ITGA11: variants seen among roughly 807,000 people sequenced by gnomAD.
ITGA11 encodes the protein integrin alpha-11.
Under a neutral mutation model 141.9 loss-of-function variants are expected in ITGA11, and 97 were observed. The observed-to-expected ratio is 0.68, with a 90% CI of 0.58 to 0.81. ITGA11 has a LOEUF of 0.81. ITGA11 is among the 30% of genes least tolerant of loss of function. The pLI is 0.00. For missense variants in ITGA11, 1,387 were observed against 1,559.2 expected (o/e 0.89, Z 1.86); for synonymous variants, 658 against 624.6 (o/e 1.05, Z -0.80).
chr15:68,380,703 G>A (rs989934663), intron 2 of ITGA11, among the ~76,000 whole-genome samples: 2 of 152,154 alleles, frequency 1.3e-5, no homozygotes, highest in African/African-American at 4.8e-5. Context: ...TGGTGCCGGC[G>A]CTCATGTGCA....
intron 1 of ITGA11, among the ~76,000 whole-genome samples, chr15:68,427,353 T>C (rs183522684): frequency 2.1e-4 from 32 of 152,342 alleles, no homozygotes; most frequent in Admixed American, 1.9e-3. Flanking sequence ...ATTGTTGTCC[T>C]ATGAAGTTGT....
At position 68,351,326 on chromosome 15, in the gene ITGA11, C is replaced by A; in HGVS notation, c.826G>T (p.Asp276Tyr). Reference protein sequence around the residue: ...MIVITDGESHDSPDLEKVIQQ... With the variant: ...MIVITDGESHYSPDLEKVIQQ... ...ATCACCTTCTCCAGGTCTGGGCTGT[C>A]GTGGGACTCCCCATCTGTGATGACA... Residue 276 changes from aspartate to tyrosine, a missense_variant, in exon 8 of 30, where the codon GAC (aspartate) becomes TAC (tyrosine). Coordinates refer to ENST00000315757, the MANE Select transcript of ITGA11 (RefSeq NM_001004439.2). 1.2e-6 allele frequency: 2 copies of A among 1,614,026 alleles called. No individual in the cohort carries two copies. The highest frequency in any genetic ancestry group is 1.7e-6 in the Non-Finnish European group (2 of 1,179,892).
At chr15:68,378,167 C>T (rs1215884944) in intron 2 of ITGA11, among the ~76,000 whole-genome samples, 1 of 152,226 alleles carries the variant, frequency 6.6e-6, no homozygotes, top group Non-Finnish European at 1.5e-5. Flanking sequence ...GGGCCAGAGC[C>T]TCTGTTTACT....
At position 68,320,407 on chromosome 15, in the gene ITGA11, C is replaced by A. The variant is rs1389955517; in HGVS notation, c.2409-15G>T. ...GGCAGTACTCCCTGAGAACAAGAGA[C>A]CACCAGAGACTGGGCAGATGGAATG... On this transcript the variant is annotated splice_polypyrimidine_tract_variant and intron_variant, in intron 19 of 29. Coordinates refer to ENST00000315757, the MANE Select transcript of ITGA11 (RefSeq NM_001004439.2). 1 of 1,564,228 alleles carries A rather than the reference C, an allele frequency of 6.4e-7. No homozygotes were observed. The highest frequency in any genetic ancestry group is 2.4e-5 in the East Asian group (1 of 42,114).
chr15:68,303,838 C>A lies in ITGA11; in HGVS notation c.3429G>T (p.Trp1143Cys), dbSNP rs773744403. 13 of 1,613,116 alleles carry A rather than the reference C, an allele frequency of 8.1e-6. No homozygotes were observed. Among genetic ancestry groups the A allele is most frequent in the Non-Finnish European group, 8.5e-7 (1 of 1,179,468 alleles). Residue 1143 changes from tryptophan to cysteine, a missense_variant, in exon 29 of 30, where the codon TGG becomes TGT. Transcript: ENST00000315757. The surrounding 1 kb of genome is among the most constrained non-coding windows in gnomAD (Gnocchi z 5.3). ...CCCCCAGGGTGCTGCCTACAATGAT[C>A]CAGATGGGGACCTGCCAGTCCTCTT... ...SKQEDWQVPIWIIVGSTLGGL... is the reference protein window; with the variant it reads ...SKQEDWQVPICIIVGSTLGGL...
At chr15:68,395,454 C>G (rs1196361985) in intron 2 of ITGA11, among the ~76,000 whole-genome samples, 3 of 151,304 alleles carry the variant, frequency 2.0e-5, no homozygotes, top group Non-Finnish European at 4.4e-5. Flanking sequence ...GAGAGGCTAA[C>G]TAGAATAAAC....
At chr15:68,343,943 G>A (rs1054007461) in intron 10 of ITGA11, among the ~76,000 whole-genome samples, 1 of 152,180 alleles carries the variant, frequency 6.6e-6, no homozygotes, top group Admixed American at 6.5e-5. Context: ...CATGTGCGGT[G>A]CTGGAATCCG....
intron 1 of ITGA11, among the ~76,000 whole-genome samples, chr15:68,406,723 G>A (rs976832863): frequency 7.9e-5 from 12 of 152,178 alleles, no homozygotes; most frequent in South Asian, 2.1e-4. Flanking sequence ...GGTCCAGCTC[G>A]TAGATACTGG....
chr15:68,357,238 G>A lies in ITGA11; in HGVS notation c.662C>T (p.Ser221Phe), dbSNP rs1364387732. The change falls in exon 7 of 30, where the codon TCT (serine) becomes TTT (phenylalanine). Residue 221 changes from serine (S) to phenylalanine (F), a missense_variant. By Grantham distance (155) the Ser-to-Phe change is radical (BLOSUM62 -2). Transcript: ENST00000315757. Reference protein sequence around the residue: ...VHEFHLNDYRSVKDVVEAASH... With the variant: ...VHEFHLNDYRFVKDVVEAASH... ...GGCAGCTTCCACCACATCTTTTACA[G>A]ACCTGTAGTCGTTGAGGTGAAACTC... The A allele has an allele frequency of 6.2e-7, 1 of 1,613,796 alleles. No individual in the cohort carries two copies. The highest frequency in any genetic ancestry group is 2.2e-5 in the East Asian group (1 of 44,880).
intron 1 of ITGA11, among the ~76,000 whole-genome samples, chr15:68,429,835 A>G (rs1401775611): frequency 6.6e-6 from 1 of 152,186 alleles, no homozygotes; most frequent in African/African-American, 2.4e-5. Context: ...TTTCAGGCCC[A>G]TGCACACTCT....
At chr15:68,389,227 A>G (rs1267490764) in intron 2 of ITGA11, among the ~76,000 whole-genome samples, 1 of 152,078 alleles carries the variant, frequency 6.6e-6, no homozygotes, top group Non-Finnish European at 1.5e-5. Flanking sequence ...TCCCATGAAC[A>G]CCTGAGATCC....
chr15:68,425,223 A>G (rs1310599892), intron 1 of ITGA11, among the ~76,000 whole-genome samples: 1 of 152,218 alleles, frequency 6.6e-6, no homozygotes, highest in Non-Finnish European at 1.5e-5. Flanking sequence ...GGCCGGTTTG[A>G]TGAGCGCTTG....
intron 2 of ITGA11, among the ~76,000 whole-genome samples, chr15:68,393,128 A>G (rs72745263): frequency 0.024 from 3,730 of 152,326 alleles, 64 homozygotes; most frequent in South Asian, 0.033. Flanking sequence ...CACAATGGAT[A>G]CAGCAGAAAG....
At position 68,322,748 on chromosome 15, in the gene ITGA11, C is replaced by A. The variant is rs1893851368; in HGVS notation, c.2323-1245G>T. On this transcript the variant is annotated intron_variant, in intron 18 of 29. Coordinates refer to ENST00000315757, the MANE Select transcript of ITGA11 (RefSeq NM_001004439.2). This position sits in a 1 kb window ranked among gnomAD's most constrained non-coding sequence, Gnocchi z 5.6. The stretch of plus-strand genomic sequence containing the variant: ...CTGGGCGCAGTGGCTGCAGTCCCAG[C>A]TACTCGGGAGGCTGAGGCAGGAGAA... 2.0e-5 allele frequency among the ~76,000 whole-genome samples: 3 copies of A among 151,820 alleles called. No homozygotes were observed. In the South Asian group the frequency reaches 6.2e-4, roughly 32 times the overall value.
intron 21 of ITGA11, among the ~76,000 whole-genome samples, chr15:68,316,598 GC>G (rs1481797241): frequency 6.6e-6 from 1 of 152,302 alleles, no homozygotes; most frequent in East Asian, 1.9e-4. Flanking sequence ...TTGCTAAGGA[GC>G]CCTCATCCCC....
chr15:68,399,091 A>T (rs1261533444), intron 2 of ITGA11, among the ~76,000 whole-genome samples: 1 of 152,024 alleles, frequency 6.6e-6, no homozygotes, highest in Non-Finnish European at 1.5e-5. Flanking sequence ...ATTTATATGG[A>T]AACATAAAGG....
intron 1 of ITGA11, among the ~76,000 whole-genome samples, chr15:68,422,744 G>C (rs1339567211): frequency 1.3e-5 from 2 of 152,138 alleles, no homozygotes; most frequent in Non-Finnish European, 2.9e-5. Context: ...ACCTCAGGCA[G>C]TTTACCCAGG....
chr15:68,316,310 C>T (rs1424605982), intron 21 of ITGA11, among the ~76,000 whole-genome samples: 4 of 152,256 alleles, frequency 2.6e-5, no homozygotes, highest in African/African-American at 7.2e-5. Context: ...CCTTGCCCTT[C>T]GCCCCGCGGT....
Position 68,312,863 on chromosome 15 carries a change from C to T in ITGA11, c.2883G>A (p.Arg961=). The T allele has an allele frequency of 6.2e-7, 1 of 1,610,462 alleles. No homozygotes were observed. Among genetic ancestry groups the T allele is most frequent in the Non-Finnish European group, 8.5e-7 (1 of 1,177,000 alleles). ...CCTCGTAGTGGCTCAGGCTGCTGCTCCTGCGGAGACAGAGGACAGGGCTGT... is the reference window on the plus strand; with the variant it reads ...CCTCGTAGTGGCTCAGGCTGCTGCTTCTGCGGAGACAGAGGACAGGGCTGT... ...LKYEADVLFT[R]SSSLSHYEVK... Residue 961 remains arginine (R), a splice_region_variant and synonymous_variant, in exon 24 of 30, where the codon AGG becomes AGA. Coordinates refer to ENST00000315757, the MANE Select transcript of ITGA11 (RefSeq NM_001004439.2).
Sources: gnomAD v4.1 joint callset for allele counts (sites outside exome capture counted in the v4.1 genomes callset) on GRCh38, gnomAD v4.1.1 for gene constraint, Gnocchi (gnomAD v3.1) non-coding constraint, MANE v1.5 for transcripts, NCBI Gene and HGNC (gene_info 2026-07-23, HGNC 2026-07-21) for gene names.